Variants in ELAPOR2 observed in about 807,000 individuals in gnomAD.
ELAPOR2 encodes endosome-lysosome associated apoptosis and autophagy regulator family member 2, also known as endosome/lysosome-associated apoptosis and autophagy regulator family member 2.
In ELAPOR2, 89 loss-of-function variants were observed where a neutral mutation model predicts 120.7. That is an observed-to-expected ratio of 0.74 (90% CI 0.62 to 0.88). The LOEUF (loss-of-function observed/expected upper bound fraction) is 0.88, where lower values mean the gene tolerates loss of function less well. Among genes scored for constraint, ELAPOR2 ranks in the 40% least tolerant of loss-of-function variants. The pLI, the probability that ELAPOR2 is intolerant of heterozygous loss-of-function variation, is 0.00. For missense variants in ELAPOR2, 1,134 were observed against 1,251.6 expected, an observed-to-expected ratio of 0.91 and a Z score of 1.42; for synonymous variants, 444 against 444.9, an observed-to-expected ratio of 1.00 and a Z score of 0.03.
In ELAPOR2 at chr7:86,950,361, G is replaced by A. The variant is rs561602013; in HGVS notation, c.311-2439C>T. Among the ~76,000 whole-genome samples, 42 of 152,298 alleles carry A rather than the reference G, an allele frequency of 2.8e-4. 1 individual carries two copies. In the South Asian group the frequency reaches 6.0e-3, roughly 22 times the overall value. On this transcript the variant is annotated intron_variant, in intron 2 of 21. Transcript: ENST00000450689. ...CTGAAACATGCTCCTTGCTTGCCAC[G>A]TTGCAGGTGACAAGAAGGAGAGAAG...
rs1156348326 is a variant in ELAPOR2, at chr7:86,938,188, G to A, written c.1027C>T (p.Arg343Cys). 58 of 1,550,578 alleles carry A rather than the reference G, an allele frequency of 3.7e-5. No homozygotes were observed. Among genetic ancestry groups the A allele is most frequent in the Non-Finnish European group, 4.7e-5 (54 of 1,145,640 alleles). The change falls in exon 8 of 22, where the codon CGC becomes TGC. Residue 343 changes from arginine (R) to cysteine (C), a missense_variant. Physicochemically the swap from Arg to Cys is radical, Grantham distance 180 (BLOSUM62 -3). Around this residue, in one of 3 missense-constraint regions of ELAPOR2, gnomAD observed 831 missense variants for 867.6 expected, o/e 0.96. Coordinates refer to ENST00000450689, the MANE Select transcript of ELAPOR2 (RefSeq NM_001142749.3). ...SEEGSSECTE[R>C]PPCTTKDYFQ... ...TAGTCTTTTGTGGTACAGGGAGGGCGCTCTGTACACTCACTGGATCCTTCC... is the reference window on the plus strand; with the variant it reads ...TAGTCTTTTGTGGTACAGGGAGGGCACTCTGTACACTCACTGGATCCTTCC...
chr7:87,046,820 T>C (rs1162884205), intron 1 of ELAPOR2, among the ~76,000 whole-genome samples: 1 of 152,200 alleles, frequency 6.6e-6, no homozygotes, highest in Non-Finnish European at 1.5e-5. Flanking sequence ...TAAACCTCTT[T>C]CCTTTATAAA....
In ELAPOR2 at chr7:87,010,590, G is replaced by T. The variant is rs191047615; in HGVS notation, c.190-45566C>A. Among the ~76,000 whole-genome samples, 13 of 152,282 alleles carry T rather than the reference G, an allele frequency of 8.5e-5. No individual in the cohort carries two copies. In the East Asian group the frequency reaches 2.3e-3, roughly 27 times the overall value. ...GAGATGACCCTTTGAGTAGAACAGAGAAGAGCCTTGTTCTGCTGCTGTCTT... is the reference window on the plus strand; with the variant it reads ...GAGATGACCCTTTGAGTAGAACAGATAAGAGCCTTGTTCTGCTGCTGTCTT... On this transcript the variant is annotated intron_variant, in intron 1 of 21. Coordinates refer to ENST00000450689, the MANE Select transcript of ELAPOR2 (RefSeq NM_001142749.3).
At chr7:86,967,547 T>A (rs1408010283) in intron 1 of ELAPOR2, among the ~76,000 whole-genome samples, 13 of 152,166 alleles carry the variant, frequency 8.5e-5, no homozygotes. Flanking sequence ...TGATTTCTTA[T>A]CATCCTAGCA....
chr7:86,949,451 G>T (rs2106306), intron 2 of ELAPOR2, among the ~76,000 whole-genome samples: 14,647 of 152,146 alleles, frequency 0.096, 2,401 homozygotes, highest in African/African-American at 0.33. Flanking sequence ...TGGAGCCATT[G>T]GGGCGGGAGG....
intron 18 of ELAPOR2, among the ~76,000 whole-genome samples, chr7:86,899,862 A>T (rs960698616): frequency 1.5e-4 from 22 of 151,202 alleles, no homozygotes; most frequent in Admixed American, 1.4e-3. Context: ...TTTTTTTTTT[A>T]AAGAGTAATG....
chr7:86,911,577 T>G, intron 15 of ELAPOR2: 1 of 453,246 alleles, frequency 2.2e-6, no homozygotes, highest in Non-Finnish European at 4.4e-6. Flanking sequence ...AGATTCCTCT[T>G]CTTCTCACAG....
chr7:86,907,809 T>A, intron 17 of ELAPOR2, 38 bp from the exon 18 acceptor site: 1 of 1,202,638 alleles, frequency 8.3e-7, no homozygotes, highest in Non-Finnish European at 1.1e-6. Context: ...AAAACAGATA[T>A]AATACAGATT....
intron 1 of ELAPOR2, among the ~76,000 whole-genome samples, chr7:87,035,204 C>T (rs1794549469): frequency 6.6e-6 from 1 of 152,130 alleles, no homozygotes; most frequent in Non-Finnish European, 1.5e-5. Flanking sequence ...TTGAACTGCC[C>T]CTTAAATCCA....
chr7:86,980,638 G>A (rs1792436423), intron 1 of ELAPOR2, among the ~76,000 whole-genome samples: 1 of 151,806 alleles, frequency 6.6e-6, no homozygotes, highest in Non-Finnish European at 1.5e-5. Context: ...CTTCTGTTTG[G>A]GCATGCACAG....
chr7:86,944,701 G>A (rs1300032484), intron 4 of ELAPOR2, among the ~76,000 whole-genome samples, 198 bp downstream of exon 4: 1 of 151,858 alleles, frequency 6.6e-6, no homozygotes, highest in African/African-American at 2.4e-5. Context: ...GATCTTGGAG[G>A]TAAAGAAACA....
At chr7:86,956,997 C>T (rs1791498043) in intron 2 of ELAPOR2, among the ~76,000 whole-genome samples, 1 of 152,200 alleles carries the variant, frequency 6.6e-6, no homozygotes. Context: ...CTTGATTCTG[C>T]AGTTTTGAGG....
At chr7:86,897,384 A>T in intron 19 of ELAPOR2, 122 bp downstream of exon 19, 1 of 1,204,060 alleles carries the variant, frequency 8.3e-7, no homozygotes, top group Non-Finnish European at 1.2e-6. Context: ...TTAAATGCCT[A>T]CCAATGTAAC....
intron 8 of ELAPOR2, among the ~76,000 whole-genome samples, chr7:86,930,842 T>G (rs1024318217): frequency 6.6e-6 from 1 of 151,962 alleles, no homozygotes; most frequent in African/African-American, 2.4e-5. Context: ...AGAGTTCTTC[T>G]TTTCTAAAAT....
chr7:86,879,483 A>C lies in ELAPOR2; in HGVS notation c.*988T>G, dbSNP rs1438605043. 6.6e-6 allele frequency: 1 copy of C among 152,184 alleles called. No individual in the cohort carries two copies. The highest frequency in any genetic ancestry group is 1.5e-5 in the Non-Finnish European group (1 of 68,016). The allele number at this position is 152,184 out of a possible 1,614,324, so 9.4% of individuals were successfully genotyped here. A position where few individuals can be genotyped will look rare whatever the true frequency, so the allele number is the denominator to read the frequency against. On this transcript the variant is annotated 3_prime_UTR_variant, in exon 22 of 22. Coordinates refer to ENST00000450689, the MANE Select transcript of ELAPOR2 (RefSeq NM_001142749.3). Reference sequence around the variant, plus strand: ...AAAGTCAACATCCTCAAAGTCTTGCAGCAGAAAAATAACCATATAACCTCT... The same window carrying C: ...AAAGTCAACATCCTCAAAGTCTTGCCGCAGAAAAATAACCATATAACCTCT...
intron 1 of ELAPOR2, among the ~76,000 whole-genome samples, chr7:87,039,920 G>A (rs1350356982): frequency 2.0e-5 from 3 of 152,146 alleles, no homozygotes; most frequent in Non-Finnish European, 2.9e-5. Flanking sequence ...CGCGCACCGT[G>A]CACGAGCCAA....
chr7:87,041,264 G>C (rs973833350), intron 1 of ELAPOR2, among the ~76,000 whole-genome samples: 13 of 151,852 alleles, frequency 8.6e-5, no homozygotes, highest in Non-Finnish European at 1.5e-4. Context: ...TACAGAGAAC[G>C]CCACAAAGAT....
At chr7:86,976,921 T>A (rs983618836) in intron 1 of ELAPOR2, among the ~76,000 whole-genome samples, 8 of 152,180 alleles carry the variant, frequency 5.3e-5, no homozygotes, top group African/African-American at 1.7e-4. Context: ...AAGGTTAAGG[T>A]ACTCTAGGGC....
chr7:87,049,995 CTCTT>C (rs1359754803), intron 1 of ELAPOR2, among the ~76,000 whole-genome samples: 16 of 152,182 alleles, frequency 1.1e-4, no homozygotes, highest in Non-Finnish European at 2.1e-4. Flanking sequence ...CTCTTTCTCT[CTCTT>C]TCTTTCTTGC....
Sources: gnomAD v4.1 joint callset for allele counts (sites outside exome capture counted in the v4.1 genomes callset) on GRCh38, gnomAD v4.1.1 for gene constraint, gnomAD v4.1.1 regional missense constraint, MANE v1.5 for transcripts, NCBI Gene and HGNC (gene_info 2026-07-23, HGNC 2026-07-21) for gene names.